Variants in SLC35A1 observed in about 807,000 individuals in gnomAD.
SLC35A1 encodes solute carrier family 35 member A1.
Under a neutral mutation model 40.3 loss-of-function variants are expected in SLC35A1, and 21 were observed. The observed-to-expected ratio is 0.52, with a 90% CI of 0.37 to 0.75. SLC35A1 has a LOEUF of 0.75. Among genes scored for constraint, SLC35A1 ranks in the 30% least tolerant of loss-of-function variants. SLC35A1 has a pLI of 0.00. For synonymous variants in SLC35A1, 146 were observed against 147.3 expected (o/e 0.99, Z 0.06); for missense variants, 297 against 382.1 (o/e 0.78, Z 1.86).
At chr6:87,481,401 G>A (rs1186396360) in intron 2 of SLC35A1, among the ~76,000 whole-genome samples, 4 of 147,088 alleles carry the variant, frequency 2.7e-5, no homozygotes, top group African/African-American at 7.6e-5. Flanking sequence ...TGGGCAACAA[G>A]AGCGAAACTC....
chr6:87,496,666 C>T (rs1489152689), intron 2 of SLC35A1, among the ~76,000 whole-genome samples: 1 of 150,912 alleles, frequency 6.6e-6, no homozygotes, highest in African/African-American at 2.4e-5. Flanking sequence ...TGTACTCCCA[C>T]TTACTTGGGA....
At chr6:87,508,643 T>G in intron 6 of SLC35A1, 47 bp downstream of exon 6, 3 of 1,490,140 alleles carry the variant, frequency 2.0e-6, no homozygotes, top group Non-Finnish European at 2.8e-6. Flanking sequence ...TTTATTTTTT[T>G]TTTAAGTTAG....
In SLC35A1 at chr6:87,511,390, T is replaced by C; in HGVS notation, c.887-9T>C. 6.2e-7 allele frequency: 1 copy of C among 1,613,384 alleles called. No individual in the cohort carries two copies. Among genetic ancestry groups the C allele is most frequent in the Non-Finnish European group, 8.5e-7 (1 of 1,179,702 alleles). On this transcript the variant is annotated splice_polypyrimidine_tract_variant and intron_variant, in intron 7 of 7. Coordinates refer to ENST00000369552, the MANE Select transcript of SLC35A1 (RefSeq NM_006416.5). ...ATACAGATAAAGCTATTTTTTTTTT[T>C]CTTTTCAGCACTCACCTTTGCCCTG... is the stretch of plus-strand genomic sequence containing the variant.
chr6:87,492,710 C>T (rs545243988), intron 2 of SLC35A1, among the ~76,000 whole-genome samples: 8 of 151,936 alleles, frequency 5.3e-5, no homozygotes, highest in East Asian at 1.9e-4. Context: ...CCACCACACC[C>T]GGCTAATTTT....
chr6:87,506,948 TAATAACCAA>T (rs1288087105), intron 5 of SLC35A1: 1 of 159,170 alleles, frequency 6.3e-6, no homozygotes, highest in African/African-American at 2.4e-5. Context: ...TACATAAAGC[TAATAACCAA>T]ACAGGGAGGA....
intron 2 of SLC35A1, among the ~76,000 whole-genome samples, chr6:87,493,729 C>T (rs751070768): frequency 6.6e-6 from 1 of 152,126 alleles, no homozygotes; most frequent in Non-Finnish European, 1.5e-5. Flanking sequence ...ATGTAGTTCT[C>T]TTTGTTTTAG....
In SLC35A1 at chr6:87,502,114, C is replaced by A. The variant is rs1769938369; in HGVS notation, c.507+804C>A. On this transcript the variant is annotated intron_variant, in intron 4 of 7. Transcript: ENST00000369552. ...TGAACAGTATCATATCCCCACCCTCCAGGTCCCCTCCTTCCCCAATTAAAA... is the reference window on the plus strand; with the variant it reads ...TGAACAGTATCATATCCCCACCCTCAAGGTCCCCTCCTTCCCCAATTAAAA... 2.0e-5 allele frequency among the ~76,000 whole-genome samples: 3 copies of A among 152,182 alleles called. No individual in the cohort carries two copies. In the South Asian group the frequency reaches 6.2e-4, roughly 32 times the overall value.
intron 3 of SLC35A1, 86 bp from the exon 4 acceptor site, chr6:87,501,072 T>C: frequency 7.7e-7 from 1 of 1,298,428 alleles, no homozygotes; most frequent in Non-Finnish European, 1.1e-6. Flanking sequence ...TTTTTATTGA[T>C]AATTTTATCA....
rs1262233048 is a variant in SLC35A1, at chr6:87,506,410, G to A, written c.536G>A (p.Gly179Asp). 6.2e-7 allele frequency: 1 copy of A among 1,613,556 alleles called. No individual in the cohort carries two copies. Among genetic ancestry groups the A allele is most frequent in the East Asian group, 2.2e-5 (1 of 44,828 alleles). Residue 179 changes from glycine (G) to aspartate (D), a missense_variant, in exon 5 of 8, where the codon GGC (glycine) becomes GAC (aspartate). Physicochemically the swap from Gly to Asp is moderately conservative, Grantham distance 94. Coordinates refer to ENST00000369552, the MANE Select transcript of SLC35A1 (RefSeq NM_006416.5). ...GAACAAAATCCATTATTAGGGTTTG[G>A]CGCTATAGCTATTGCTGTATTGTGC... ...VVEQNPLLGF[G>D]AIAIAVLCSG... is the part of the protein sequence containing the mutation.
intron 2 of SLC35A1, among the ~76,000 whole-genome samples, chr6:87,491,536 G>T (rs1289952565): frequency 1.3e-5 from 2 of 152,122 alleles, no homozygotes; most frequent in African/African-American, 4.8e-5. Context: ...AAGCACAGTG[G>T]CGTTGTTAGA....
chr6:87,499,526 A>C (rs771852796), intron 2 of SLC35A1, among the ~76,000 whole-genome samples: 19 of 152,232 alleles, frequency 1.2e-4, no homozygotes, highest in Non-Finnish European at 2.2e-4. Flanking sequence ...TTCTGAAATA[A>C]TAATAGCAAA....
intron 2 of SLC35A1, among the ~76,000 whole-genome samples, chr6:87,484,146 C>T (rs775455261): frequency 3.9e-5 from 6 of 152,198 alleles, no homozygotes; most frequent in Non-Finnish European, 5.9e-5. Flanking sequence ...GGTTGCCAGC[C>T]GGTTTGGTTT....
chr6:87,494,427 T>TC (rs1217455433), intron 2 of SLC35A1, among the ~76,000 whole-genome samples: 11 of 151,080 alleles, frequency 7.3e-5, no homozygotes, highest in Non-Finnish European at 1.6e-4. Flanking sequence ...TTTGAATTTT[T>TC]TTTTTTTTTT....
chr6:87,481,826 A>G (rs1425834153), intron 2 of SLC35A1, among the ~76,000 whole-genome samples: 1 of 152,224 alleles, frequency 6.6e-6, no homozygotes, highest in Admixed American at 6.5e-5. Flanking sequence ...AAACTGGATG[A>G]TACCCCTTTA....
Position 87,501,831 on chromosome 6 carries a change from T to G in SLC35A1, c.507+521T>G, listed in dbSNP as rs181545657. ...AGTGTTCTTACTGATAATTGATAAT[T>G]ATCTTTAGTTTTTAAGAGTTAATGT... On this transcript the variant is annotated intron_variant, in intron 4 of 7. Transcript: ENST00000369552. Among the ~76,000 whole-genome samples, 8 of 152,332 alleles carry G rather than the reference T, an allele frequency of 5.3e-5. No homozygotes were observed. The East Asian group carries it at 1.3e-3, about 26-fold the overall frequency.
At position 87,474,236 on chromosome 6, in the gene SLC35A1, C is replaced by T. The variant is rs141430547; in HGVS notation, c.16+1217C>T. ...TTATTGCCAATACATATTTGTTGAG[C>T]CTTGATTGTAATCCTAACAAAACTA... On this transcript the variant is annotated intron_variant, in intron 1 of 7. Coordinates refer to ENST00000369552, the MANE Select transcript of SLC35A1 (RefSeq NM_006416.5). Among the ~76,000 whole-genome samples the T allele has an allele frequency of 6.9e-4, 105 of 152,256 alleles. No individual in the cohort carries two copies. In the East Asian group the frequency reaches 0.019, roughly 28 times the overall value.
chr6:87,500,749 A>ATTTT, intron 3 of SLC35A1, 82 bp downstream of exon 3: 20 of 1,111,088 alleles, frequency 1.8e-5, no homozygotes, highest in Non-Finnish European at 2.0e-5. Flanking sequence ...CATATTATCA[A>ATTTT]TTTTTTTTTT....
intron 2 of SLC35A1, among the ~76,000 whole-genome samples, chr6:87,498,884 A>G (rs1769828571): frequency 6.6e-6 from 1 of 152,266 alleles, no homozygotes. Context: ...AATCTTCAGA[A>G]GCCTGGAAAA....
chr6:87,480,254 A>G (rs1769207413), intron 2 of SLC35A1, among the ~76,000 whole-genome samples: 2 of 152,200 alleles, frequency 1.3e-5, no homozygotes, highest in African/African-American at 4.8e-5. Flanking sequence ...AGGGTGTTGG[A>G]CTTCAGGAAA....
Sources: allele counts gnomAD v4.1 joint callset (sites outside exome capture counted in the v4.1 genomes callset), GRCh38; gene constraint gnomAD v4.1.1; transcripts MANE v1.5; gene names NCBI Gene and HGNC (gene_info 2026-07-23, HGNC 2026-07-21).